Variants in FAM219B observed in about 807,000 individuals in gnomAD.
FAM219B encodes the protein family with sequence similarity 219 member B, also known as protein FAM219B.
A neutral mutation model predicts 19.9 loss-of-function variants in FAM219B; 18 were observed. That is an observed-to-expected ratio of 0.91 (90% CI 0.63 to 1.34). The LOEUF is 1.34. Among genes scored for constraint, FAM219B ranks in the 40% most tolerant of loss-of-function variants. The pLI is 0.00. For synonymous variants in FAM219B, 123 were observed against 117.5 expected (o/e 1.05, Z -0.30); for missense variants, 283 against 270.5 (o/e 1.05, Z -0.32).
At chr15:74,905,597 G>T (rs2065154872) in intron 2 of FAM219B, 1 of 237,730 alleles carries the variant, frequency 4.2e-6, no homozygotes, top group Non-Finnish European at 8.6e-6. Flanking sequence ...ATTTTTAATA[G>T]AGACGGGCTT....
At chr15:74,906,499 C>A in intron 1 of FAM219B, 88 bp downstream of exon 1, 1 of 1,481,878 alleles carries the variant, frequency 6.7e-7, no homozygotes, top group Non-Finnish European at 9.0e-7. Flanking sequence ...CCTCCGGGGC[C>A]GAGGCCCAGC....
chr15:74,902,673 TG>T lies in FAM219B; in HGVS notation c.542del (p.Thr181AsnfsTer46). On this transcript the variant is annotated frameshift_variant, in exon 5 of 5. Coordinates refer to ENST00000357635, the MANE Select transcript of FAM219B (RefSeq NM_020447.5). LOFTEE classifies it high-confidence loss of function. ...CAAGACAGCACCAGCAGCAGGAGCA[TG>T]TTGAAGAGGCCATGGGCTTAGGGGG... ...LIPPKPMASS[T>X]CSCCWCCLGD... is the part of the protein sequence containing the mutation. 1 of 1,613,140 alleles carries T rather than the reference TG, an allele frequency of 6.2e-7. No homozygotes were observed. The highest frequency in any genetic ancestry group is 8.5e-7 in the Non-Finnish European group (1 of 1,179,562).
chr15:74,902,857 A>C, intron 4 of FAM219B, 71 bp from the exon 5 acceptor site: 1 of 1,520,040 alleles, frequency 6.6e-7, no homozygotes, highest in Middle Eastern at 1.9e-4. Flanking sequence ...AAAAGACAGA[A>C]CCACATTCCG....
chr15:74,904,228 A>G (rs909222986), intron 4 of FAM219B, among the ~76,000 whole-genome samples: 2 of 152,238 alleles, frequency 1.3e-5, no homozygotes, highest in Non-Finnish European at 2.9e-5. Context: ...AGCACAGACT[A>G]GCAAACACTT....
At chr15:74,905,979 T>A in intron 2 of FAM219B, 1 of 365,484 alleles carries the variant, frequency 2.7e-6, no homozygotes, top group Middle Eastern at 7.8e-4. Context: ...ACACTGCTCT[T>A]CGTCCTCATT....
chr15:74,904,620 C>G (rs2065108117), intron 4 of FAM219B, 44 bp downstream of exon 4: 4 of 1,610,886 alleles, frequency 2.5e-6, no homozygotes, highest in Non-Finnish European at 3.4e-6. Flanking sequence ...GGTGGTAATG[C>G]TGCCTGCAGC....
At chr15:74,898,541 CTTT>C (rs1023381946), downstream of FAM219B, 4 of 143,286 alleles carry the variant, frequency 2.8e-5, no homozygotes, top group Admixed American at 7.0e-5. Context: ...CTGTTTTTCT[CTTT>C]TTTTTTTTTT....
chr15:74,906,226 TTAAAGCCTTCTC>T, intron 2 of FAM219B, 40 bp downstream of exon 2: 1 of 1,587,744 alleles, frequency 6.3e-7, no homozygotes. Context: ...GTCCTGGGGA[TTAAAGCCTTCTC>T]TAAAGCTGCT....
At position 74,904,713 on chromosome 15, in the gene FAM219B, C is replaced by G. The variant is rs781724101; in HGVS notation, c.381-1G>C. ...GTATCTGGATCCCAGCTCCCCATCA[C>G]TAGGAGAAGAGGAAAACAGTCAGTT... On this transcript the variant is annotated splice_acceptor_variant, in intron 3 of 4. Coordinates refer to ENST00000357635, the MANE Select transcript of FAM219B (RefSeq NM_020447.5). LOFTEE classifies it high-confidence loss of function. 3.7e-6 allele frequency: 6 copies of G among 1,614,090 alleles called. No individual in the cohort carries two copies. In the African/African-American group the frequency reaches 8.0e-5, roughly 22 times the overall value.
At chr15:74,898,085 C>T (rs1268435309), downstream of FAM219B, 1 of 381,848 alleles carries the variant, frequency 2.6e-6, no homozygotes, top group Non-Finnish European at 5.1e-6. Context: ...AGCAAGAGAC[C>T]AGGTAATTTC....
Position 74,906,841 on chromosome 15 carries a change from G to T in FAM219B, c.-41C>A. On this transcript the variant is annotated 5_prime_UTR_variant, in exon 1 of 5. Transcript: ENST00000357635. ...TGCCGGATGGTGCAACCCCGCCCGT[G>T]GCGAAAGAGTGACCGGCCGAGGGAG... 3 of 1,237,464 alleles carry T rather than the reference G, an allele frequency of 2.4e-6. No homozygotes were observed. Among genetic ancestry groups the T allele is most frequent in the Non-Finnish European group, 3.0e-6 (3 of 991,038 alleles). 76.7% of individuals were successfully genotyped at this position (1,237,464 alleles called of 1,614,324 possible).
At chr15:74,898,541 C>CTT (rs1023381946), downstream of FAM219B, 7 of 143,290 alleles carry the variant, frequency 4.9e-5, no homozygotes, top group Admixed American at 1.4e-4. Context: ...CTGTTTTTCT[C>CTT]TTTTTTTTTT....
intron 2 of FAM219B, chr15:74,905,450 G>A (rs777539355): frequency 4.3e-5 from 19 of 441,130 alleles, no homozygotes; most frequent in Non-Finnish European, 6.8e-5. Flanking sequence ...TGGAGACAGA[G>A]TCTGGCCCTG....
At position 74,900,466 on chromosome 15, in the gene FAM219B, T is replaced by G. The variant is rs1444123586; in HGVS notation, c.*2153A>C. 2 of 152,184 alleles carry G rather than the reference T, an allele frequency of 1.3e-5. No individual in the cohort carries two copies. Among genetic ancestry groups the G allele is most frequent in the Non-Finnish European group, 2.9e-5 (2 of 68,092 alleles). The allele number at this position is 152,184 out of a possible 1,614,324, so 9.4% of individuals were successfully genotyped here. A position where few individuals can be genotyped will look rare whatever the true frequency, so the allele number is the denominator to read the frequency against. The stretch of plus-strand genomic sequence containing the variant: ...CCCAGGCCATTCTGCCCTGACCACC[T>G]CCCCAACAGAGATGTAGGTCTATAC... On this transcript the variant is annotated 3_prime_UTR_variant, in exon 5 of 5. Coordinates refer to ENST00000357635, the MANE Select transcript of FAM219B (RefSeq NM_020447.5).
Position 74,902,748 on chromosome 15 carries a change from A to G in FAM219B, c.468T>C (p.Asp156=). ...CTGGAATCTCATCCAGGTGATACCC[A>G]TCCTGAAGCAGCTGCCGGCTCACAT... ...NQDVSRQLLQ[D]GYHLDEIPDD... The change falls in exon 5 of 5, where the codon GAT becomes GAC. Residue 156 remains aspartate (D), a synonymous_variant. Transcript: ENST00000357635. 2 of 1,611,722 alleles carry G rather than the reference A, an allele frequency of 1.2e-6. No individual in the cohort carries two copies. Among genetic ancestry groups the G allele is most frequent in the Non-Finnish European group, 1.7e-6 (2 of 1,178,900 alleles).
intron 2 of FAM219B, chr15:74,906,006 A>C (rs2065171678): frequency 4.7e-6 from 2 of 426,820 alleles, no homozygotes; most frequent in African/African-American, 2.0e-5. Context: ...GACTCCAGCC[A>C]CCATTCTCCT....
intron 4 of FAM219B, 47 bp from the exon 5 acceptor site, chr15:74,902,833 A>C: frequency 6.4e-7 from 1 of 1,564,450 alleles, no homozygotes; most frequent in Non-Finnish European, 8.7e-7. Flanking sequence ...GCAAAGCAGA[A>C]GTAACTGCTA....
At position 74,900,055 on chromosome 15, in the gene FAM219B, T is replaced by G. The variant is rs1051302097; in HGVS notation, c.*2564A>C. On this transcript the variant is annotated 3_prime_UTR_variant, in exon 5 of 5. Coordinates refer to ENST00000357635, the MANE Select transcript of FAM219B (RefSeq NM_020447.5). ...GTAGAAGTGCAAGCCAAGAGTTCTA[T>G]AGAGTAGTACATAAACACCATATGG... 1 of 152,214 alleles carries G rather than the reference T, an allele frequency of 6.6e-6. No homozygotes were observed. The highest frequency in any genetic ancestry group is 6.5e-5 in the Admixed American group (1 of 15,284). 9.4% of individuals were successfully genotyped at this position (152,214 alleles called of 1,614,324 possible).
Position 74,904,942 on chromosome 15 carries a change from C to T in FAM219B, c.380+212G>A. 5 of 1,528,126 alleles carry T rather than the reference C, an allele frequency of 3.3e-6. No homozygotes were observed. The South Asian group carries it at 4.8e-5, about 15-fold the overall frequency. 94.7% of individuals were successfully genotyped at this position (1,528,126 alleles called of 1,614,324 possible). On this transcript the variant is annotated intron_variant, in intron 3 of 4. Coordinates refer to ENST00000357635, the MANE Select transcript of FAM219B (RefSeq NM_020447.5). Reference sequence around the variant, plus strand: ...AAACATAACAGGGCAGGATGATCCCCCGGACATTGGTGCTCCGAATTCTAG... The same window carrying T: ...AAACATAACAGGGCAGGATGATCCCTCGGACATTGGTGCTCCGAATTCTAG...
Sources: allele counts gnomAD v4.1 joint callset (sites outside exome capture counted in the v4.1 genomes callset), GRCh38; gene constraint gnomAD v4.1.1; transcripts MANE v1.5; gene names NCBI Gene and HGNC (gene_info 2026-07-23, HGNC 2026-07-21).